Variants in PCDHGB6 observed in about 807,000 individuals in gnomAD.
The protein encoded by PCDHGB6 is protocadherin gamma subfamily B, 6, also known as protocadherin gamma-B6.
PCDHGB6 carries 51 observed loss-of-function variants against 59.1 expected under a neutral mutation model. That is an observed-to-expected ratio of 0.86 (90% CI 0.69 to 1.09). The LOEUF (loss-of-function observed/expected upper bound fraction) is 1.09, where lower values mean the gene tolerates loss of function less well. PCDHGB6 is among the 50% of genes least tolerant of loss of function. PCDHGB6 has a pLI of 0.00. For synonymous variants in PCDHGB6, 466 were observed against 495.1 expected (o/e 0.94, Z 0.78); for missense variants, 1,148 against 1,205.1 (o/e 0.95, Z 0.70).
At chr5:141,428,124 C>G in intron 1 of PCDHGB6, 2 of 1,605,400 alleles carry the variant, frequency 1.2e-6, no homozygotes, top group Non-Finnish European at 1.7e-6. Flanking sequence ...CGAGCCCGGG[C>G]TTTTCAGCCT....
rs2097456240 is a variant in PCDHGB6, at chr5:141,432,134, G to T, written c.2418+21514G>T. 3 of 1,613,756 alleles carry T rather than the reference G, an allele frequency of 1.9e-6. No individual in the cohort carries two copies. The highest frequency in any genetic ancestry group is 1.3e-5 in the African/African-American group (1 of 74,800). On this transcript the variant is annotated intron_variant, in intron 1 of 3. Coordinates refer to ENST00000520790, the MANE Select transcript of PCDHGB6 (RefSeq NM_018926.3). This position sits in a 1 kb window ranked among gnomAD's most constrained non-coding sequence, Gnocchi z 6.0. The stretch of plus-strand genomic sequence containing the variant: ...GGTCTTCCCTCAGGCCTCCTATTCC[G>T]CTTATATCCCAGAGAACAATCCCAG...
chr5:141,461,323 T>C (rs2099013372), intron 1 of PCDHGB6, among the ~76,000 whole-genome samples: 1 of 152,176 alleles, frequency 6.6e-6, no homozygotes, highest in African/African-American at 2.4e-5. Context: ...TTTTTAATAA[T>C]GGCCATTCTT....
chr5:141,462,471 C>T (rs1464947091), intron 1 of PCDHGB6, among the ~76,000 whole-genome samples: 1 of 152,020 alleles, frequency 6.6e-6, no homozygotes, highest in East Asian at 1.9e-4. Context: ...GTGTATTCTG[C>T]TTCTCGTGGT....
intron 1 of PCDHGB6, chr5:141,419,137 CAG>C (rs1561778402): frequency 1.2e-6 from 2 of 1,613,892 alleles, no homozygotes; most frequent in South Asian, 1.1e-5. Context: ...CAGCCACAGA[CAG>C]GGGCAAGCCT....
At position 141,409,100 on chromosome 5, in the gene PCDHGB6, A is replaced by G. The variant is rs1341878280; in HGVS notation, c.898A>G (p.Met300Val). ...GTTCTCATTGGATGAGAAAACAGGT[A>G]TGATTAAGAATAACCAGTCATTTGA... is the stretch of plus-strand genomic sequence containing the variant. Reference protein sequence around the residue: ...HMFSLDEKTGMIKNNQSFDFE... With the variant: ...HMFSLDEKTGVIKNNQSFDFE... Residue 300 changes from methionine to valine, a missense_variant, in exon 1 of 4, where the codon ATG (methionine) becomes GTG (valine). Transcript: ENST00000520790. The G allele has an allele frequency of 6.8e-6, 11 of 1,613,934 alleles. No homozygotes were observed. In the Admixed American group the frequency reaches 1.0e-4, roughly 15 times the overall value.
rs1193465269 is a variant in PCDHGB6 at position 141,467,055 on chromosome 5, C to CT, written c.2419-27736dup. Among the ~76,000 whole-genome samples, 814 of 134,448 alleles carry CT rather than the reference C, an allele frequency of 6.1e-3. 10 individuals carry two copies. Among genetic ancestry groups the CT allele is most frequent in the African/African-American group, 0.018 (656 of 36,920 alleles). The allele number at this position is 134,448 out of a possible 152,430, so 88.2% of individuals were successfully genotyped here. A position where few individuals can be genotyped will look rare whatever the true frequency, so the allele number is the denominator to read the frequency against. Reference sequence around the variant, plus strand: ...TTTTTGTGTAATGAATCAATGTTTTCTTTTTTTTTTTTTTTTAGACCAAGT... The same window carrying CT: ...TTTTTGTGTAATGAATCAATGTTTTCTTTTTTTTTTTTTTTTTAGACCAAGT... On this transcript the variant is annotated intron_variant, in intron 1 of 3. Coordinates refer to ENST00000520790, the MANE Select transcript of PCDHGB6 (RefSeq NM_018926.3).
chr5:141,485,003 A>G lies in PCDHGB6; in HGVS notation c.2419-9804A>G. On this transcript the variant is annotated intron_variant, in intron 1 of 3. Coordinates refer to ENST00000520790, the MANE Select transcript of PCDHGB6 (RefSeq NM_018926.3). The surrounding 1 kb of genome is among the most constrained non-coding windows in gnomAD (Gnocchi z 5.7). ...CAATCGGGTGGTGAAAGGCAGACAA[A>G]TCTACCCCGCCACCAGCAAAAACGG... 1 of 620,758 alleles carries G rather than the reference A, an allele frequency of 1.6e-6. No homozygotes were observed. The highest frequency in any genetic ancestry group is 2.0e-5 in the South Asian group (1 of 50,492). The allele number at this position is 620,758 out of a possible 1,614,324, so 38.5% of individuals were successfully genotyped here.
intron 1 of PCDHGB6, chr5:141,423,372 C>G: frequency 6.2e-7 from 1 of 1,614,178 alleles, no homozygotes; most frequent in Non-Finnish European, 8.5e-7. Context: ...TGCTGGCACT[C>G]AGGCTGTGGC....
rs1297208780 is a variant in PCDHGB6 at position 141,486,613 on chromosome 5, T to C, written c.2419-8194T>C. 2 of 1,613,658 alleles carry C rather than the reference T, an allele frequency of 1.2e-6. No individual in the cohort carries two copies. The highest frequency in any genetic ancestry group is 2.7e-5 in the African/African-American group (2 of 75,074). On this transcript the variant is annotated intron_variant, in intron 1 of 3. Coordinates refer to ENST00000520790, the MANE Select transcript of PCDHGB6 (RefSeq NM_018926.3). The surrounding 1 kb of genome is among the most constrained non-coding windows in gnomAD (Gnocchi z 5.0). ...ACCTGCTTTGCTCCCTTGCAGCCTC[T>C]GACCCAGACTCTGGCTTGAATGCGC...
In PCDHGB6 at chr5:141,431,265, G is replaced by T; in HGVS notation, c.2418+20645G>T. On this transcript the variant is annotated intron_variant, in intron 1 of 3. Transcript: ENST00000520790. The surrounding 1 kb of genome is among the most constrained non-coding windows in gnomAD (Gnocchi z 4.8). ...GATATCGGGAAGAACTCTCTGCAGAGCTACGAGCTCAGCCCGAACACTCAC... is the reference window on the plus strand; with the variant it reads ...GATATCGGGAAGAACTCTCTGCAGATCTACGAGCTCAGCCCGAACACTCAC... 1 of 1,614,168 alleles carries T rather than the reference G, an allele frequency of 6.2e-7. No homozygotes were observed. The highest frequency in any genetic ancestry group is 8.5e-7 in the Non-Finnish European group (1 of 1,180,054).
rs764579211 is a variant in PCDHGB6 at position 141,489,393 on chromosome 5, T to C, written c.2419-5414T>C. 1.9e-5 allele frequency: 30 copies of C among 1,614,098 alleles called. No individual in the cohort carries two copies. In the South Asian group the frequency reaches 3.3e-4, roughly 18 times the overall value. On this transcript the variant is annotated intron_variant, in intron 1 of 3. Coordinates refer to ENST00000520790, the MANE Select transcript of PCDHGB6 (RefSeq NM_018926.3). The surrounding 1 kb of genome is among the most constrained non-coding windows in gnomAD (Gnocchi z 4.5). ...CGCTGGTGGGGAATGTTGCTCAGGA[T>C]CTGGGCTTAAAGATGACAGATCTGT...
chr5:141,499,138 G>A (rs765607930), intron 2 of PCDHGB6, among the ~76,000 whole-genome samples: 12 of 152,144 alleles, frequency 7.9e-5, no homozygotes, highest in Non-Finnish European at 1.5e-4. Flanking sequence ...TCCTTTGGGT[G>A]TCTGATCCCA....
chr5:141,452,252 C>T (rs868364679), intron 1 of PCDHGB6, among the ~76,000 whole-genome samples: 2 of 152,106 alleles, frequency 1.3e-5, no homozygotes, highest in Non-Finnish European at 2.9e-5. Context: ...TTTGCCATAA[C>T]TCTCTCATTT....
At chr5:141,428,187 C>G in intron 1 of PCDHGB6, 3 of 1,439,502 alleles carry the variant, frequency 2.1e-6, no homozygotes, top group South Asian at 1.2e-5. Flanking sequence ...GGACAGCCGC[C>G]GCTCTCTGCG....
At position 141,486,238 on chromosome 5, in the gene PCDHGB6, G is replaced by C. The variant is rs1414434705; in HGVS notation, c.2419-8569G>C. 6.2e-7 allele frequency: 1 copy of C among 1,614,058 alleles called. No homozygotes were observed. The highest frequency in any genetic ancestry group is 8.5e-7 in the Non-Finnish European group (1 of 1,180,024). On this transcript the variant is annotated intron_variant, in intron 1 of 3. Coordinates refer to ENST00000520790, the MANE Select transcript of PCDHGB6 (RefSeq NM_018926.3). This position sits in a 1 kb window ranked among gnomAD's most constrained non-coding sequence, Gnocchi z 5.0. ...CCCCTTACATCACAGTGACCTCAGA[G>C]CTTGGAACCCTCCCCGAGAGTGCAG... is the stretch of plus-strand genomic sequence containing the variant.
At chr5:141,447,549 A>T (rs1387130901) in intron 1 of PCDHGB6, among the ~76,000 whole-genome samples, 1 of 152,216 alleles carries the variant, frequency 6.6e-6, no homozygotes, top group Non-Finnish European at 1.5e-5. Context: ...TAATGTTATG[A>T]GTACACTTGG....
chr5:141,485,543 G>C lies in PCDHGB6; in HGVS notation c.2419-9264G>C. 1.9e-6 allele frequency: 3 copies of C among 1,614,092 alleles called. No homozygotes were observed. The highest frequency in any genetic ancestry group is 2.5e-6 in the Non-Finnish European group (3 of 1,179,972). On this transcript the variant is annotated intron_variant, in intron 1 of 3. Coordinates refer to ENST00000520790, the MANE Select transcript of PCDHGB6 (RefSeq NM_018926.3). This position sits in a 1 kb window ranked among gnomAD's most constrained non-coding sequence, Gnocchi z 5.7. Reference sequence around the variant, plus strand: ...AATGTACCGAGCAGAGGTAGAGATCGTAGATGTGAATGATCACGCCCCCCG... The same window carrying C: ...AATGTACCGAGCAGAGGTAGAGATCCTAGATGTGAATGATCACGCCCCCCG...
intron 1 of PCDHGB6, among the ~76,000 whole-genome samples, chr5:141,483,648 TTGTGTGTG>T (rs111458813): frequency 6.7e-6 from 1 of 149,592 alleles, no homozygotes; most frequent in Non-Finnish European, 1.5e-5. Flanking sequence ...GGGTGTGTGT[TTGTGTGTG>T]TGTGTGTGTG....
At chr5:141,495,193 T>G (rs1471524188) in intron 2 of PCDHGB6, among the ~76,000 whole-genome samples, 2 of 152,192 alleles carry the variant, frequency 1.3e-5, no homozygotes, top group Non-Finnish European at 2.9e-5. Flanking sequence ...TCTATGCCCA[T>G]GTACTGCCTA....
Sources: gnomAD v4.1 joint callset for allele counts (sites outside exome capture counted in the v4.1 genomes callset) on GRCh38, gnomAD v4.1.1 for gene constraint, Gnocchi (gnomAD v3.1) non-coding constraint, MANE v1.5 for transcripts, NCBI Gene and HGNC (gene_info 2026-07-23, HGNC 2026-07-21) for gene names.